The following TMEM117 variants were observed in gnomAD, a reference collection of about 807,000 sequenced individuals.
TMEM117 encodes transmembrane protein 117.
TMEM117 carries 27 observed loss-of-function variants against 52.4 expected under a neutral mutation model. The observed-to-expected ratio is 0.51, with a 90% CI of 0.38 to 0.71. TMEM117 has a LOEUF of 0.71. Among genes scored for constraint, TMEM117 ranks in the 30% least tolerant of loss-of-function variants. The pLI is 0.00. For missense variants in TMEM117, 556 were observed against 630.5 expected (o/e 0.88, Z 1.26); for synonymous variants, 215 against 206.3 (o/e 1.04, Z -0.36).
At chr12:44,091,679 G>C (rs1295104647) in intron 3 of TMEM117, among the ~76,000 whole-genome samples, 1 of 152,196 alleles carries the variant, frequency 6.6e-6, no homozygotes, top group African/African-American at 2.4e-5. Flanking sequence ...TGGCACAACA[G>C]AGGGCAGAAT....
chr12:44,222,419 A>G (rs768394032), intron 5 of TMEM117, among the ~76,000 whole-genome samples: 5 of 152,166 alleles, frequency 3.3e-5, no homozygotes, highest in Non-Finnish European at 7.3e-5. Flanking sequence ...CCATTTACAA[A>G]TGCCCTAGAC....
At chr12:43,813,365 T>A in the TMEM117 span, among the ~76,000 whole-genome samples, 5 of 147,018 alleles carry the variant, frequency 3.4e-5, no homozygotes, top group African/African-American at 1.2e-4. Context: ...TGCCTCAGCC[T>A]CCACAGTAGC....
chr12:44,302,734 A>G (rs1450799263), intron 6 of TMEM117, among the ~76,000 whole-genome samples: 2 of 152,218 alleles, frequency 1.3e-5, no homozygotes, highest in Admixed American at 1.3e-4. Context: ...CTTTGTGAGC[A>G]TCATGTAGAA....
chr12:44,344,048 T>C (rs1592706850), intron 6 of TMEM117, among the ~76,000 whole-genome samples: 1 of 151,242 alleles, frequency 6.6e-6, no homozygotes, highest in South Asian at 2.1e-4. Context: ...AGCACAAAGG[T>C]AATGGGTGGT....
intron 3 of TMEM117, among the ~76,000 whole-genome samples, chr12:44,093,813 C>T (rs1947713062): frequency 7.2e-6 from 1 of 139,484 alleles, no homozygotes; most frequent in Admixed American, 7.2e-5. Context: ...ACTGGATGAC[C>T]ACTAAAGATT....
chr12:44,328,292 C>T (rs965245941), intron 6 of TMEM117, among the ~76,000 whole-genome samples: 2 of 152,098 alleles, frequency 1.3e-5, no homozygotes, highest in Admixed American at 6.6e-5. Flanking sequence ...ACCATTTGGC[C>T]AGTGTATTGC....
intron 2 of TMEM117, among the ~76,000 whole-genome samples, chr12:43,891,612 C>T (rs145249872): frequency 0.1 from 15,747 of 151,652 alleles, 2,460 homozygotes; most frequent in African/African-American, 0.34. Context: ...ATGATCCACC[C>T]GCCTTGGCCT....
intron 4 of TMEM117, among the ~76,000 whole-genome samples, chr12:44,168,602 A>C (rs1949002136): frequency 6.6e-6 from 1 of 152,182 alleles, no homozygotes; most frequent in Non-Finnish European, 1.5e-5. Context: ...ATAATGATAC[A>C]TCTTGTACAG....
intron 3 of TMEM117, among the ~76,000 whole-genome samples, chr12:43,996,838 C>T (rs966469956): frequency 1.3e-5 from 2 of 152,046 alleles, no homozygotes; most frequent in East Asian, 3.9e-4. Flanking sequence ...TGGAGCACTA[C>T]CTTAGGAAAA....
At chr12:44,310,191 T>C (rs1014913615) in intron 6 of TMEM117, among the ~76,000 whole-genome samples, 1 of 152,244 alleles carries the variant, frequency 6.6e-6, no homozygotes, top group Non-Finnish European at 1.5e-5. Flanking sequence ...TTTCTTTGAA[T>C]TACAATTGAT....
intron 6 of TMEM117, among the ~76,000 whole-genome samples, chr12:44,310,082 G>T (rs1950954802): frequency 1.3e-5 from 2 of 151,980 alleles, no homozygotes; most frequent in South Asian, 2.1e-4. Context: ...TTTTGTGATG[G>T]TCAATTTTTT....
intron 3 of TMEM117, among the ~76,000 whole-genome samples, chr12:43,960,098 A>C (rs1054952828): frequency 2.0e-5 from 3 of 152,258 alleles, no homozygotes; most frequent in African/African-American, 7.2e-5. Context: ...TGCTTTAGAT[A>C]ATTTGTTGGG....
chr12:44,155,353 G>T (rs1304115473), intron 4 of TMEM117, among the ~76,000 whole-genome samples: 1 of 152,012 alleles, frequency 6.6e-6, no homozygotes, highest in African/African-American at 2.4e-5. Context: ...AAATACCATT[G>T]CATTTGAAGT....
At chr12:44,164,654 C>G (rs1948940605) in intron 4 of TMEM117, among the ~76,000 whole-genome samples, 1 of 152,124 alleles carries the variant, frequency 6.6e-6, no homozygotes, top group South Asian at 2.1e-4. Flanking sequence ...TCTGTAAACT[C>G]TGGGATATAA....
chr12:43,917,415 G>A (rs1944624382), intron 2 of TMEM117, among the ~76,000 whole-genome samples: 1 of 152,120 alleles, frequency 6.6e-6, no homozygotes, highest in Non-Finnish European at 1.5e-5. Context: ...GGGCACTTTA[G>A]TAAGTGGTTT....
At chr12:43,854,697 C>T (rs1037857509) in intron 2 of TMEM117, among the ~76,000 whole-genome samples, 1 of 151,692 alleles carries the variant, frequency 6.6e-6, no homozygotes, top group Non-Finnish European at 1.5e-5. Flanking sequence ...AGTGTGGTGG[C>T]GTGATCTCGG....
rs530409187 is a variant in TMEM117, at chr12:43,983,216, G to A, written c.410+38874G>A. On this transcript the variant is annotated intron_variant, in intron 3 of 7. Transcript: ENST00000266534. ...TACAAGTCTCTGGTAGGCTTTGCAG[G>A]TTTGTTTACATGGTGGCAGCCTTCT... is the stretch of plus-strand genomic sequence containing the variant. Among the ~76,000 whole-genome samples, 25 of 152,146 alleles carry A rather than the reference G, an allele frequency of 1.6e-4. 1 individual carries two copies. Among genetic ancestry groups the A allele is most frequent in the Non-Finnish European group, 3.5e-4 (24 of 68,008 alleles).
intron 3 of TMEM117, among the ~76,000 whole-genome samples, chr12:43,959,431 AG>A (rs1945366149): frequency 6.6e-6 from 1 of 152,246 alleles, no homozygotes; most frequent in African/African-American, 2.4e-5. Flanking sequence ...GAAAAAAATC[AG>A]GGTGAACTTT....
chr12:44,061,819 G>A (rs1947142897), intron 3 of TMEM117, among the ~76,000 whole-genome samples: 1 of 152,040 alleles, frequency 6.6e-6, no homozygotes, highest in African/African-American at 2.4e-5. Context: ...GGTGGGAGAA[G>A]AAAACAATAG....
Sources: gnomAD v4.1 joint callset for allele counts (sites outside exome capture counted in the v4.1 genomes callset) on GRCh38, gnomAD v4.1.1 for gene constraint, MANE v1.5 for transcripts, NCBI Gene and HGNC (gene_info 2026-07-23, HGNC 2026-07-21) for gene names.